Variants in B3GALT9 observed in about 807,000 individuals in gnomAD.
B3GALT9 encodes UDP-GlcNAc:betaGal beta-1,3-N-acetylglucosaminyltransferase 10 (putative).
Position 120,801,614 on chromosome 9 carries a change from C to G in B3GALT9, c.*1936C>G, listed in dbSNP as rs373855709. On this transcript the variant is annotated 3_prime_UTR_variant, in exon 3 of 3. Coordinates refer to ENST00000689072, the MANE Select transcript of B3GALT9 (RefSeq NM_001386823.1). The stretch of plus-strand genomic sequence containing the variant: ...AATTAGCTGGACCCGGTGGTACGTG[C>G]CTGTAATCCCAGCTACGCGGGAGGC... 1.3e-5 allele frequency among the ~76,000 whole-genome samples: 2 copies of G among 152,282 alleles called. No individual in the cohort carries two copies. Among genetic ancestry groups the G allele is most frequent in the African/African-American group, 4.8e-5 (2 of 41,552 alleles).
chr9:120,794,262 G>A (rs779412865), intron 1 of B3GALT9, among the ~76,000 whole-genome samples: 2 of 151,994 alleles, frequency 1.3e-5, no homozygotes, highest in Admixed American at 6.6e-5. Context: ...ATCAAAAGAG[G>A]TTTAGGCATC....
chr9:120,795,805 G>A (rs374698260), intron 1 of B3GALT9, among the ~76,000 whole-genome samples: 28 of 152,228 alleles, frequency 1.8e-4, no homozygotes, highest in African/African-American at 6.0e-4. Flanking sequence ...TTCTTTTCTC[G>A]AAATAAACTT....
Position 120,793,842 on chromosome 9 carries a change from C to G in B3GALT9, c.-262C>G. 1 of 391,276 alleles carries G rather than the reference C, an allele frequency of 2.6e-6. No individual in the cohort carries two copies. The highest frequency in any genetic ancestry group is 4.5e-6 in the Non-Finnish European group (1 of 222,010). The allele number at this position is 391,276 out of a possible 1,614,324, so 24.2% of individuals were successfully genotyped here. Reference sequence around the variant, plus strand: ...TAGTGAACAAAAAACGCAAAAGCCCCTGACCGCCTGGGCCTTACATCTATT... The same window carrying G: ...TAGTGAACAAAAAACGCAAAAGCCCGTGACCGCCTGGGCCTTACATCTATT... On this transcript the variant is annotated 5_prime_UTR_variant, in exon 1 of 3. Transcript: ENST00000689072.
At position 120,799,481 on chromosome 9, in the gene B3GALT9, A is replaced by G. The variant is rs1283102225; in HGVS notation, c.913A>G (p.Lys305Glu). Residue 305 changes from lysine to glutamate, a missense_variant, in exon 3 of 3, where the codon AAG becomes GAG. Lys to Glu is a moderately conservative substitution (Grantham distance 56). Coordinates refer to ENST00000689072, the MANE Select transcript of B3GALT9 (RefSeq NM_001386823.1). ...CATTAGATACAACAGATGTTGCTAT[A>G]AGTTCATTTTTACATCCTCAGAAAT... ...RHIRYNRCCYKFIFTSSEIAD... is the reference protein window; with the variant it reads ...RHIRYNRCCYEFIFTSSEIAD... 2.5e-6 allele frequency: 1 copy of G among 399,416 alleles called. No homozygotes were observed. The highest frequency in any genetic ancestry group is 4.4e-6 in the Non-Finnish European group (1 of 226,184). The allele number at this position is 399,416 out of a possible 1,614,324, so 24.7% of individuals were successfully genotyped here.
intron 1 of B3GALT9, among the ~76,000 whole-genome samples, chr9:120,795,903 G>C (rs1159543247): frequency 6.6e-6 from 1 of 152,148 alleles, no homozygotes; most frequent in East Asian, 1.9e-4. Flanking sequence ...CTTCAATTCC[G>C]GCTAAAGTGG....
In B3GALT9 at chr9:120,801,419, T is replaced by A. The variant is rs548742118; in HGVS notation, c.*1741T>A. ...TGTACTTCTTCTTTTGAGAAATGTCTATTTAGGGCCTTTGGTCATTTCTAA... is the reference window on the plus strand; with the variant it reads ...TGTACTTCTTCTTTTGAGAAATGTCAATTTAGGGCCTTTGGTCATTTCTAA... On this transcript the variant is annotated 3_prime_UTR_variant, in exon 3 of 3. Transcript: ENST00000689072. 6.6e-4 allele frequency among the ~76,000 whole-genome samples: 100 copies of A among 152,326 alleles called. No homozygotes were observed. Among genetic ancestry groups the A allele is most frequent in the South Asian group, 1.9e-3 (9 of 4,832 alleles).
At chr9:120,794,673 C>T (rs183696513) in intron 1 of B3GALT9, among the ~76,000 whole-genome samples, 1 of 152,116 alleles carries the variant, frequency 6.6e-6, no homozygotes, top group African/African-American at 2.4e-5. Context: ...CAATGCCCAG[C>T]GCACAAGTTA....
At chr9:120,796,259 C>G (rs1467265597) in intron 1 of B3GALT9, among the ~76,000 whole-genome samples, 164 bp from the exon 2 acceptor site, 1 of 152,166 alleles carries the variant, frequency 6.6e-6, no homozygotes, top group Non-Finnish European at 1.5e-5. Flanking sequence ...GGTAACTGTT[C>G]TTTGAACTTC....
In B3GALT9 at chr9:120,800,116, A is replaced by ATT. The variant is rs34598368; in HGVS notation, c.*454_*455dup. Among the ~76,000 whole-genome samples, 139 of 122,872 alleles carry ATT rather than the reference A, an allele frequency of 1.1e-3. 2 individuals carry two copies. Among genetic ancestry groups the ATT allele is most frequent in the African/African-American group, 3.4e-3 (108 of 32,104 alleles). The allele number at this position is 122,872 out of a possible 152,430, so 80.6% of individuals were successfully genotyped here. ...AGGCATGTGCCACCATACCCGGCTA[A>ATT]TTTTTTTTTTTTTTTTTCGGAGACA... On this transcript the variant is annotated 3_prime_UTR_variant, in exon 3 of 3. Transcript: ENST00000689072.
intron 1 of B3GALT9, among the ~76,000 whole-genome samples, chr9:120,795,238 G>A (rs2044930539): frequency 1.3e-5 from 2 of 152,156 alleles, no homozygotes; most frequent in Admixed American, 6.5e-5. Context: ...GAAAGGGAAG[G>A]CAGTACCAGG....
intron 1 of B3GALT9, 147 bp from the exon 2 acceptor site, chr9:120,796,276 C>G (rs2044937819): frequency 6.6e-6 from 1 of 152,250 alleles, no homozygotes; most frequent in Non-Finnish European, 1.5e-5. Flanking sequence ...CTTCCACACA[C>G]ACTTTACCAG....
intron 1 of B3GALT9, 56 bp from the exon 2 acceptor site, chr9:120,796,367 C>G (rs938559454): frequency 1.3e-5 from 2 of 152,194 alleles, no homozygotes; most frequent in African/African-American, 4.8e-5. Context: ...TTTGTCTGTT[C>G]TTTGTTCTGG....
rs2044940091 is a variant in B3GALT9 at position 120,796,520 on chromosome 9, C to G, written c.-84C>G. ...GTACTTTACTGCAATTGCTGTTAGACTAGAGTGATCCTGAGATGCGTTTGG... is the reference window on the plus strand; with the variant it reads ...GTACTTTACTGCAATTGCTGTTAGAGTAGAGTGATCCTGAGATGCGTTTGG... On this transcript the variant is annotated 5_prime_UTR_variant, in exon 2 of 3. Coordinates refer to ENST00000689072, the MANE Select transcript of B3GALT9 (RefSeq NM_001386823.1). 1 of 152,200 alleles carries G rather than the reference C, an allele frequency of 6.6e-6. No individual in the cohort carries two copies. Among genetic ancestry groups the G allele is most frequent in the Non-Finnish European group, 1.5e-5 (1 of 68,042 alleles). The allele number at this position is 152,200 out of a possible 1,614,324, so 9.4% of individuals were successfully genotyped here.
intron 1 of B3GALT9, among the ~76,000 whole-genome samples, chr9:120,794,774 G>C (rs895280771): frequency 2.0e-5 from 3 of 152,142 alleles, no homozygotes; most frequent in Non-Finnish European, 4.4e-5. Flanking sequence ...TAAGCTTTTT[G>C]CCAGTGATGG....
Position 120,799,933 on chromosome 9 carries a change from T to C in B3GALT9, c.*255T>C, listed in dbSNP as rs1192923311. Reference sequence around the variant, plus strand: ...TCAAAAGAGAGAACATTATGTTTCATTGTTTATTTAGTTTTCGTTTTTTTT... The same window carrying C: ...TCAAAAGAGAGAACATTATGTTTCACTGTTTATTTAGTTTTCGTTTTTTTT... On this transcript the variant is annotated 3_prime_UTR_variant, in exon 3 of 3. Coordinates refer to ENST00000689072, the MANE Select transcript of B3GALT9 (RefSeq NM_001386823.1). The C allele has an allele frequency of 3.3e-6, 1 of 298,652 alleles. No homozygotes were observed. The highest frequency in any genetic ancestry group is 6.0e-6 in the Non-Finnish European group (1 of 167,994). The allele number at this position is 298,652 out of a possible 1,614,324, so 18.5% of individuals were successfully genotyped here. A position where few individuals can be genotyped will look rare whatever the true frequency, so the allele number is the denominator to read the frequency against.
intron 2 of B3GALT9, 96 bp from the exon 3 acceptor site, chr9:120,798,479 T>C (rs2044952441): frequency 5.0e-6 from 2 of 398,308 alleles, no homozygotes; most frequent in South Asian, 1.4e-4. Flanking sequence ...TAGAGTGTAC[T>C]GCTAAATGCT....
chr9:120,799,780 A>G lies in B3GALT9; in HGVS notation c.*102A>G. 2.5e-6 allele frequency: 1 copy of G among 397,228 alleles called. No homozygotes were observed. 24.6% of individuals were successfully genotyped at this position (397,228 alleles called of 1,614,324 possible). On this transcript the variant is annotated 3_prime_UTR_variant, in exon 3 of 3. Transcript: ENST00000689072. Reference sequence around the variant, plus strand: ...CCCATGTTTTATGTAGGTTCTCTGAATCTTTAATTTTATTTGCAAAGGTAC... The same window carrying G: ...CCCATGTTTTATGTAGGTTCTCTGAGTCTTTAATTTTATTTGCAAAGGTAC...
At chr9:120,797,363 A>G (rs1264820362) in intron 2 of B3GALT9, among the ~76,000 whole-genome samples, 1 of 151,366 alleles carries the variant, frequency 6.6e-6, no homozygotes, top group Non-Finnish European at 1.5e-5. Flanking sequence ...AAAATTAGCC[A>G]GGCGTGGTGG....
rs1052391502 is a variant in B3GALT9 at position 120,799,387 on chromosome 9, T to C, written c.819T>C (p.Phe273=). ...EVPMMVPADV[F]VGICAKFIGL... ...CCATGATGGTGCCAGCTGATGTGTT[T>C]GTAGGAATTTGTGCTAAGTTCATTG... is the stretch of plus-strand genomic sequence containing the variant. Residue 273 remains phenylalanine (F), a synonymous_variant, in exon 3 of 3, where the codon TTT becomes TTC. Coordinates refer to ENST00000689072, the MANE Select transcript of B3GALT9 (RefSeq NM_001386823.1). The C allele has an allele frequency of 2.5e-6, 1 of 399,294 alleles. No homozygotes were observed. The highest frequency in any genetic ancestry group is 4.4e-6 in the Non-Finnish European group (1 of 226,136). 24.7% of individuals were successfully genotyped at this position (399,294 alleles called of 1,614,324 possible). A position where few individuals can be genotyped will look rare whatever the true frequency, so the allele number is the denominator to read the frequency against.
Sources: allele counts gnomAD v4.1 joint callset (sites outside exome capture counted in the v4.1 genomes callset), GRCh38; gene constraint gnomAD v4.1.1; transcripts MANE v1.5; gene names NCBI Gene and HGNC (gene_info 2026-07-23, HGNC 2026-07-21).